GALNT2: variants seen among roughly 807,000 people sequenced by gnomAD.
GALNT2 encodes UDP-GalNAc:polypeptide N-acetylgalactosaminyltransferase 2.
GALNT2 carries 31 observed loss-of-function variants against 81.4 expected under a neutral mutation model. That is an observed-to-expected ratio of 0.38 (90% CI 0.29 to 0.51). GALNT2 has a LOEUF of 0.51. Ranked by LOEUF, GALNT2 falls within the 20% of genes least tolerant of loss-of-function variation. The probability of loss-of-function intolerance (pLI) is 0.87; values close to 1 mark genes in which losing one functional copy is unlikely to be tolerated. For missense variants in GALNT2, 629 were observed against 765.7 expected, an observed-to-expected ratio of 0.82 and a Z score of 2.11; for synonymous variants, 303 against 287.4, an observed-to-expected ratio of 1.05 and a Z score of -0.55.
intron 7 of GALNT2, among the ~76,000 whole-genome samples, chr1:230,245,620 A>G (rs542009529): frequency 1.3e-5 from 2 of 152,234 alleles, no homozygotes; most frequent in African/African-American, 4.8e-5. Context: ...ACATAGAAAT[A>G]TATTCCTAAT....
chr1:230,115,895 C>G (rs2102795209), intron 1 of GALNT2, among the ~76,000 whole-genome samples: 1 of 152,326 alleles, frequency 6.6e-6, no homozygotes, highest in East Asian at 1.9e-4. Context: ...CTCAGGAAAC[C>G]ACTTTCTTTG....
intron 6 of GALNT2, among the ~76,000 whole-genome samples, chr1:230,240,992 C>A (rs1665183250): frequency 6.6e-6 from 1 of 152,148 alleles, no homozygotes; most frequent in African/African-American, 2.4e-5. Context: ...GCTACTAAGA[C>A]CAGTCAGTGG....
chr1:230,138,407 C>G (rs1661620426), intron 1 of GALNT2, among the ~76,000 whole-genome samples: 1 of 152,032 alleles, frequency 6.6e-6, no homozygotes, highest in Admixed American at 6.5e-5. Context: ...TGCCTGTAAT[C>G]CCAGCTACTT....
intron 1 of GALNT2, among the ~76,000 whole-genome samples, chr1:230,101,611 G>A (rs1454202458): frequency 6.6e-6 from 1 of 152,226 alleles, no homozygotes; most frequent in East Asian, 1.9e-4. Context: ...CAACTTTTCA[G>A]GTCCTGATCA....
Position 230,189,830 on chromosome 1 carries a change from C to G in GALNT2, c.220+11519C>G, listed in dbSNP as rs1572066403. 5.3e-5 allele frequency among the ~76,000 whole-genome samples: 8 copies of G among 152,322 alleles called. 2 individuals are homozygous for G. Among genetic ancestry groups the G allele is most frequent in the Admixed American group, 5.2e-4 (8 of 15,310 alleles). On this transcript the variant is annotated intron_variant, in intron 2 of 15. Coordinates refer to ENST00000366672, the MANE Select transcript of GALNT2 (RefSeq NM_004481.5). ...GTCCCATTCCTCCCTCTCCCAGGCCCTGGTATTCCTGTTTCTATGAATTTG... is the reference window on the plus strand; with the variant it reads ...GTCCCATTCCTCCCTCTCCCAGGCCGTGGTATTCCTGTTTCTATGAATTTG...
At chr1:230,088,952 G>A (rs4846831) in intron 1 of GALNT2, among the ~76,000 whole-genome samples, 6,056 of 152,074 alleles carry the variant, frequency 0.04, 364 homozygotes, top group East Asian at 0.27. Context: ...TACTTTCTGC[G>A]TCTGTGGATT....
chr1:230,143,287 G>T (rs1216412739), intron 1 of GALNT2, among the ~76,000 whole-genome samples: 1 of 152,188 alleles, frequency 6.6e-6, no homozygotes, highest in Admixed American at 6.5e-5. Flanking sequence ...AGGGGAATCC[G>T]CAGCCTGAGA....
At chr1:230,174,286 G>A (rs1241869260) in intron 1 of GALNT2, among the ~76,000 whole-genome samples, 1 of 152,140 alleles carries the variant, frequency 6.6e-6, no homozygotes, top group African/African-American at 2.4e-5. Context: ...TTTCCTACTT[G>A]TCCCTGCAGC....
chr1:230,117,438 G>A (rs548052421), intron 1 of GALNT2, among the ~76,000 whole-genome samples: 1 of 152,280 alleles, frequency 6.6e-6, no homozygotes, highest in Admixed American at 6.5e-5. Flanking sequence ...TCCTCACTAA[G>A]CTTAATCATT....
At chr1:230,103,892 C>T (rs957413056) in intron 1 of GALNT2, among the ~76,000 whole-genome samples, 1 of 152,182 alleles carries the variant, frequency 6.6e-6, no homozygotes, top group African/African-American at 2.4e-5. Context: ...GTGAGAGCTG[C>T]TCCTACCTGA....
At chr1:230,170,440 T>C (rs1054664006) in intron 1 of GALNT2, among the ~76,000 whole-genome samples, 1 of 152,198 alleles carries the variant, frequency 6.6e-6, no homozygotes, top group Non-Finnish European at 1.5e-5. Flanking sequence ...AATGGGGATT[T>C]TTATTAAGAA....
At chr1:230,066,863 G>A (rs1659195334), upstream of GALNT2, among the ~76,000 whole-genome samples, 1 of 151,900 alleles carries the variant, frequency 6.6e-6, no homozygotes, top group African/African-American at 2.4e-5. Flanking sequence ...ACTCACGGGG[G>A]AGGGGGCGGC....
Position 230,058,738 on chromosome 1 carries a change from A to G in GALNT2, n.89+660A>G, listed in dbSNP as rs546204395. Among the ~76,000 whole-genome samples the G allele has an allele frequency of 5.9e-5, 9 of 152,320 alleles. No homozygotes were observed. The South Asian group carries it at 1.0e-3, about 18-fold the overall frequency. ...TTTGATAAACTATTTCTCAGTCACAATTCAAGCCAAGCAATTTCTGGGAAG... is the reference window on the plus strand; with the variant it reads ...TTTGATAAACTATTTCTCAGTCACAGTTCAAGCCAAGCAATTTCTGGGAAG... On this transcript the variant is annotated intron_variant and non_coding_transcript_variant, in intron 1 of 6. Coordinates refer to the GALNT2 transcript ENST00000494106.
At position 230,275,532 on chromosome 1, in the gene GALNT2, CAT is replaced by C. The variant is rs1490916672; in HGVS notation, c.1560+970_1560+971del. ...GATACATACATATATATACATGCCA[CAT>C]AGATATACATATATAAACGCCACAT... On this transcript the variant is annotated intron_variant, in intron 15 of 15. Transcript: ENST00000366672. The surrounding 1 kb of genome is among the most constrained non-coding windows in gnomAD (Gnocchi z 5.5). Among the ~76,000 whole-genome samples, 1 of 150,678 alleles carries C rather than the reference CAT, an allele frequency of 6.6e-6. No individual in the cohort carries two copies. Among genetic ancestry groups the C allele is most frequent in the African/African-American group, 2.4e-5 (1 of 40,860 alleles).
At chr1:230,091,173 A>T (rs181207001) in intron 1 of GALNT2, among the ~76,000 whole-genome samples, 1 of 151,082 alleles carries the variant, frequency 6.6e-6, no homozygotes, top group Non-Finnish European at 1.5e-5. Flanking sequence ...GGTTCAATCT[A>T]TTCTCCTGCC....
chr1:230,249,148 T>A (rs1572136076), intron 8 of GALNT2, 36 bp from the exon 9 acceptor site: 1 of 1,591,854 alleles, frequency 6.3e-7, no homozygotes, highest in East Asian at 2.2e-5. Context: ...GTGGCCAGTC[T>A]CTTGTCAACA....
intron 1 of GALNT2, among the ~76,000 whole-genome samples, chr1:230,079,582 A>C (rs148631725): frequency 1.4e-3 from 207 of 152,376 alleles, no homozygotes; most frequent in Admixed American, 2.4e-3. Context: ...GGTTACAAAT[A>C]GCAGGTTTCC....
intron 10 of GALNT2, among the ~76,000 whole-genome samples, chr1:230,254,830 C>G (rs1167772110): frequency 6.6e-6 from 1 of 152,202 alleles, no homozygotes; most frequent in African/African-American, 2.4e-5. Flanking sequence ...GTGAAGAATT[C>G]AGCACAAGTG....
intron 2 of GALNT2, among the ~76,000 whole-genome samples, chr1:230,202,779 A>G (rs1348475552): frequency 6.6e-6 from 1 of 152,200 alleles, no homozygotes; most frequent in Non-Finnish European, 1.5e-5. Context: ...ACCTGAGATA[A>G]TGTCAACATT....
Sources: allele counts gnomAD v4.1 joint callset (sites outside exome capture counted in the v4.1 genomes callset), GRCh38; gene constraint gnomAD v4.1.1; non-coding constraint Gnocchi (gnomAD v3.1); transcripts MANE v1.5; gene names NCBI Gene and HGNC (gene_info 2026-07-23, HGNC 2026-07-21).